Variants in ST18 observed in about 807,000 individuals in gnomAD.
ST18 encodes the protein suppression of tumorigenicity 18 protein.
ST18 carries 50 observed loss-of-function variants against 110.0 expected under a neutral mutation model. That is an observed-to-expected ratio of 0.45 (90% confidence interval 0.36 to 0.58). The LOEUF (loss-of-function observed/expected upper bound fraction) is 0.58. Ranked by LOEUF, ST18 falls within the 20% of genes least tolerant of loss-of-function variation. The probability of loss-of-function intolerance (pLI) is 0.00; values close to 1 mark genes in which losing one functional copy is unlikely to be tolerated. For missense variants in ST18, 1,306 were observed against 1,280.1 expected (o/e 1.02, Z -0.31); for synonymous variants, 461 against 452.4 (o/e 1.02, Z -0.24).
At chr8:52,408,687 T>C (rs1199735503) in intron 2 of ST18, among the ~76,000 whole-genome samples, 2 of 152,180 alleles carry the variant, frequency 1.3e-5, no homozygotes, top group Non-Finnish European at 1.5e-5. Context: ...CATTCAAAAG[T>C]CCAAAATAAT....
intron 3 of ST18, among the ~76,000 whole-genome samples, chr8:52,226,014 G>A (rs1336494061): frequency 6.6e-6 from 1 of 152,190 alleles, no homozygotes; most frequent in Non-Finnish European, 1.5e-5. Flanking sequence ...CTGAAGGTGA[G>A]ATACTAGAAA....
chr8:52,252,855 A>C (rs1268720142), intron 2 of ST18, among the ~76,000 whole-genome samples: 1 of 151,910 alleles, frequency 6.6e-6, no homozygotes, highest in Non-Finnish European at 1.5e-5. Flanking sequence ...GGTTACAGGC[A>C]TACAAGTAGG....
intron 2 of ST18, among the ~76,000 whole-genome samples, chr8:52,237,536 T>G (rs1442878752): frequency 1.3e-5 from 2 of 152,188 alleles, no homozygotes; most frequent in Non-Finnish European, 2.9e-5. Flanking sequence ...GGAGTAGCAC[T>G]GGGATTGGAC....
At chr8:52,201,555 C>G (rs1162788280) in intron 8 of ST18, among the ~76,000 whole-genome samples, 1 of 152,136 alleles carries the variant, frequency 6.6e-6, no homozygotes, top group Admixed American at 6.5e-5. Flanking sequence ...GTGAGCCTCC[C>G]GGAGTAGTTC....
chr8:52,126,295 A>G (rs2047042427), intron 22 of ST18, among the ~76,000 whole-genome samples, 155 bp from the exon 23 acceptor site: 1 of 152,250 alleles, frequency 6.6e-6, no homozygotes, highest in Non-Finnish European at 1.5e-5. Flanking sequence ...ATACATACCC[A>G]TTAAAGCAAA....
intron 2 of ST18, among the ~76,000 whole-genome samples, chr8:52,284,350 T>C (rs1052192076): frequency 1.3e-5 from 2 of 152,240 alleles, no homozygotes; most frequent in East Asian, 3.9e-4. Context: ...GGGCTAGGTT[T>C]TGGAAAGAAT....
chr8:52,337,760 A>G (rs1812824254), intron 2 of ST18, among the ~76,000 whole-genome samples: 2 of 152,228 alleles, frequency 1.3e-5, no homozygotes, highest in South Asian at 4.1e-4. Flanking sequence ...AGCCCTCAGT[A>G]AGCTGCATTG....
intron 2 of ST18, among the ~76,000 whole-genome samples, chr8:52,369,078 C>T (rs548636619): frequency 6.6e-6 from 1 of 152,254 alleles, no homozygotes; most frequent in Admixed American, 6.5e-5. Flanking sequence ...TTCTAGTGAC[C>T]GAAAGCCATA....
chr8:52,343,214 C>G (rs572746917), intron 2 of ST18, among the ~76,000 whole-genome samples: 1 of 152,122 alleles, frequency 6.6e-6, no homozygotes, highest in African/African-American at 2.4e-5. Context: ...CAAGTGAATG[C>G]CCTGCGTATG....
chr8:52,281,344 ATG>A (rs2095372447), intron 2 of ST18, among the ~76,000 whole-genome samples: 1 of 152,202 alleles, frequency 6.6e-6, no homozygotes. Flanking sequence ...TTTAACATAA[ATG>A]AATAGAAAGA....
chr8:52,287,819 G>T (rs1163210999), intron 2 of ST18, among the ~76,000 whole-genome samples: 2 of 152,094 alleles, frequency 1.3e-5, no homozygotes, highest in African/African-American at 4.8e-5. Flanking sequence ...TGAGCTAGTG[G>T]GCTGAGATTC....
chr8:52,365,927 C>A (rs1435785055), intron 2 of ST18, among the ~76,000 whole-genome samples: 1 of 151,782 alleles, frequency 6.6e-6, no homozygotes, highest in Admixed American at 6.6e-5. Context: ...TCTCAAACTC[C>A]TAACTTCAAT....
At chr8:52,367,270 A>ACACACAC (rs55935866) in intron 2 of ST18, among the ~76,000 whole-genome samples, 5 of 150,702 alleles carry the variant, frequency 3.3e-5, no homozygotes, top group Non-Finnish European at 5.9e-5. Flanking sequence ...ACACACACAC[A>ACACACAC]AAGATTTTAC....
intron 2 of ST18, among the ~76,000 whole-genome samples, chr8:52,358,100 C>A (rs1190550408): frequency 6.6e-6 from 1 of 151,574 alleles, no homozygotes; most frequent in African/African-American, 2.4e-5. Context: ...ACTTTTTAAC[C>A]AATCAGTGGG....
intron 2 of ST18, among the ~76,000 whole-genome samples, chr8:52,281,955 A>C (rs569779245): frequency 6.6e-6 from 1 of 152,320 alleles, no homozygotes; most frequent in East Asian, 1.9e-4. Flanking sequence ...CACTGCTTAG[A>C]TGGCGGGTGC....
At chr8:52,304,015 T>C (rs111443450) in intron 2 of ST18, among the ~76,000 whole-genome samples, 5 of 152,214 alleles carry the variant, frequency 3.3e-5, no homozygotes, top group African/African-American at 1.2e-4. Context: ...TGGGGCATCA[T>C]GTTGGCAACT....
chr8:52,218,423 C>T (rs2085235253), intron 5 of ST18, among the ~76,000 whole-genome samples: 1 of 150,882 alleles, frequency 6.6e-6, no homozygotes, highest in Admixed American at 6.6e-5. Context: ...GCTCTTGTTG[C>T]CCAGGCTGGA....
chr8:52,182,106 T>C (rs1251480762), intron 8 of ST18, among the ~76,000 whole-genome samples: 6 of 152,102 alleles, frequency 3.9e-5, no homozygotes, highest in Non-Finnish European at 8.8e-5. Context: ...TTGTAGCAAA[T>C]GGGAGAGGCT....
At chr8:52,148,615 TGACTG>T (rs1344954045) in intron 16 of ST18, among the ~76,000 whole-genome samples, 2 of 149,176 alleles carry the variant, frequency 1.3e-5, no homozygotes, top group African/African-American at 5.0e-5. Flanking sequence ...CCCATGTCAC[TGACTG>T]GACTTGGAGA....
Sources: gnomAD v4.1 joint callset for allele counts (sites outside exome capture counted in the v4.1 genomes callset) on GRCh38, gnomAD v4.1.1 for gene constraint, MANE v1.5 for transcripts, NCBI Gene and HGNC (gene_info 2026-07-23, HGNC 2026-07-21) for gene names.